Variants in KCNQ3 observed in about 807,000 individuals in gnomAD.
The protein encoded by KCNQ3 is potassium voltage-gated channel subfamily Q member 3.
Under a neutral mutation model 92.5 loss-of-function variants are expected in KCNQ3, and 30 were observed. The ratio of observed to expected loss-of-function variants is 0.32; its 90% CI spans 0.24 to 0.44. The LOEUF (loss-of-function observed/expected upper bound fraction) is 0.44, where lower values mean the gene tolerates loss of function less well. KCNQ3 is among the 20% of genes least tolerant of loss of function. KCNQ3 has a pLI of 1.00. For synonymous variants in KCNQ3, 450 were observed against 468.8 expected (o/e 0.96, Z 0.52); for missense variants, 913 against 1,140.3 (o/e 0.80, Z 2.87).
intron 1 of KCNQ3, among the ~76,000 whole-genome samples, chr8:132,399,109 T>C (rs561220020): frequency 1.3e-5 from 2 of 152,346 alleles, no homozygotes; most frequent in South Asian, 2.1e-4. Flanking sequence ...AATGACAGAA[T>C]ATGCAGATAC....
intron 1 of KCNQ3, among the ~76,000 whole-genome samples, chr8:132,353,328 G>A (rs1818930331): frequency 6.6e-6 from 1 of 151,978 alleles, no homozygotes; most frequent in Non-Finnish European, 1.5e-5. Flanking sequence ...AGGGAAGGAA[G>A]GGGAAGGGAG....
rs574342044 is a variant in KCNQ3, at chr8:132,416,807, G to A, written c.386+63340C>T. Among the ~76,000 whole-genome samples the A allele has an allele frequency of 2.6e-5, 4 of 152,290 alleles. No individual in the cohort carries two copies. In the South Asian group the frequency reaches 8.3e-4, roughly 32 times the overall value. ...CGCTGAGAAAAGGTGAGCTCGGAAGGCTGCAGGGTACAGACAGGAAGGCTG... is the reference window on the plus strand; with the variant it reads ...CGCTGAGAAAAGGTGAGCTCGGAAGACTGCAGGGTACAGACAGGAAGGCTG... On this transcript the variant is annotated intron_variant, in intron 1 of 14. Coordinates refer to ENST00000388996, the MANE Select transcript of KCNQ3 (RefSeq NM_004519.4).
intron 1 of KCNQ3, among the ~76,000 whole-genome samples, chr8:132,410,351 T>C (rs1820616600): frequency 2.0e-5 from 3 of 152,250 alleles, no homozygotes; most frequent in Admixed American, 2.0e-4. Context: ...AGGAAGAAGA[T>C]AGGCCAAGAA....
chr8:132,207,910 A>C (rs2130285876), intron 1 of KCNQ3, among the ~76,000 whole-genome samples: 1 of 149,780 alleles, frequency 6.7e-6, no homozygotes, highest in Admixed American at 6.7e-5. Flanking sequence ...AGTTTCCAAA[A>C]TGAGAGAGAT....
At chr8:132,281,043 A>T (rs1816497581) in intron 1 of KCNQ3, among the ~76,000 whole-genome samples, 1 of 152,122 alleles carries the variant, frequency 6.6e-6, no homozygotes, top group African/African-American at 2.4e-5. Context: ...GGGAGGAGAA[A>T]GCTGAGGGTG....
intron 9 of KCNQ3, among the ~76,000 whole-genome samples, chr8:132,146,119 G>A (rs1410777711): frequency 1.3e-5 from 2 of 152,250 alleles, no homozygotes; most frequent in Non-Finnish European, 2.9e-5. Flanking sequence ...TATTCTAAGT[G>A]TACGTGGGGC....
At position 132,303,565 on chromosome 8, in the gene KCNQ3, G is replaced by GATAGATATATATAT. The variant is rs1554642788; in HGVS notation, c.387-117385_387-117384insATATATATATCTAT. Among the ~76,000 whole-genome samples the GATAGATATATATAT allele has an allele frequency of 9.4e-5, 4 of 42,566 alleles. No homozygotes were observed. The Admixed American group carries it at 1.5e-3, about 16-fold the overall frequency. The allele number at this position is 42,566 out of a possible 152,430, so 27.9% of individuals were successfully genotyped here. A position where few individuals can be genotyped will look rare whatever the true frequency, so the allele number is the denominator to read the frequency against. On this transcript the variant is annotated intron_variant, in intron 1 of 14. Transcript: ENST00000388996. Reference sequence around the variant, plus strand: ...ACTTGTGATCAGATAAAGAAAATGTGATATATATATATATGGTGTGTGTGT... The same window carrying GATAGATATATATAT: ...ACTTGTGATCAGATAAAGAAAATGTGATAGATATATATATATATATATATATATGGTGTGTGTGT...
intron 1 of KCNQ3, among the ~76,000 whole-genome samples, chr8:132,471,529 T>A (rs1014618341): frequency 1.3e-5 from 2 of 152,188 alleles, no homozygotes; most frequent in Non-Finnish European, 2.9e-5. Context: ...TAATGACATG[T>A]CTAGGTGTTT....
intron 1 of KCNQ3, among the ~76,000 whole-genome samples, chr8:132,340,374 A>G (rs1254566338): frequency 6.6e-6 from 1 of 152,226 alleles, no homozygotes; most frequent in Non-Finnish European, 1.5e-5. Context: ...ATGCCTGTCA[A>G]TAATAGAATG....
intron 9 of KCNQ3, among the ~76,000 whole-genome samples, chr8:132,154,451 C>T (rs985641257): frequency 5.3e-5 from 8 of 152,034 alleles, no homozygotes; most frequent in Non-Finnish European, 1.2e-4. Flanking sequence ...AATTTGACTG[C>T]CGTTTTCCCA....
At chr8:132,290,764 CA>C (rs1306936643) in intron 1 of KCNQ3, among the ~76,000 whole-genome samples, 5 of 152,148 alleles carry the variant, frequency 3.3e-5, no homozygotes, top group African/African-American at 4.8e-5. Context: ...GGAAAGATGA[CA>C]TTACCTAAAC....
At chr8:132,270,504 G>C (rs551301012) in intron 1 of KCNQ3, among the ~76,000 whole-genome samples, 20 of 152,078 alleles carry the variant, frequency 1.3e-4, no homozygotes, top group Non-Finnish European at 1.9e-4. Context: ...TCCTCTTTGC[G>C]CCTCAGTACC....
chr8:132,217,521 T>A (rs2130323060), intron 1 of KCNQ3, among the ~76,000 whole-genome samples: 1 of 151,884 alleles, frequency 6.6e-6, no homozygotes, highest in Non-Finnish European at 1.5e-5. Flanking sequence ...CCATCCTGGC[T>A]AACATGATGA....
chr8:132,296,918 C>T (rs1184527529), intron 1 of KCNQ3, among the ~76,000 whole-genome samples: 1 of 152,042 alleles, frequency 6.6e-6, no homozygotes, highest in Non-Finnish European at 1.5e-5. Context: ...AATGGGATGG[C>T]TGGGTCAAAT....
intron 1 of KCNQ3, among the ~76,000 whole-genome samples, chr8:132,459,947 G>C (rs1461756741): frequency 1.7e-5 from 2 of 114,648 alleles, no homozygotes; most frequent in East Asian, 4.9e-4. Flanking sequence ...TTATACTTTT[G>C]TTATACTCCA....
At chr8:132,211,133 G>A (rs1189106060) in intron 1 of KCNQ3, among the ~76,000 whole-genome samples, 1 of 152,110 alleles carries the variant, frequency 6.6e-6, no homozygotes, top group Non-Finnish European at 1.5e-5. Context: ...GGCCAGCTTT[G>A]ATCAAAGATT....
intron 1 of KCNQ3, among the ~76,000 whole-genome samples, chr8:132,432,682 T>C (rs141815791): frequency 1.3e-5 from 2 of 152,252 alleles, no homozygotes; most frequent in Non-Finnish European, 2.9e-5. Context: ...CCATTCATCA[T>C]CTAGGTCCTG....
chr8:132,407,519 T>C (rs1820523771), intron 1 of KCNQ3, among the ~76,000 whole-genome samples: 1 of 152,142 alleles, frequency 6.6e-6, no homozygotes, highest in Non-Finnish European at 1.5e-5. Flanking sequence ...TTCACTTCAG[T>C]CCCAGGATCA....
intron 1 of KCNQ3, among the ~76,000 whole-genome samples, chr8:132,407,155 G>A (rs919275245): frequency 6.6e-6 from 1 of 152,210 alleles, no homozygotes; most frequent in Non-Finnish European, 1.5e-5. Flanking sequence ...GGTGAGTTAG[G>A]CAGGAGGGCA....
Sources: allele counts gnomAD v4.1 joint callset (sites outside exome capture counted in the v4.1 genomes callset), GRCh38; gene constraint gnomAD v4.1.1; transcripts MANE v1.5; gene names NCBI Gene and HGNC (gene_info 2026-07-23, HGNC 2026-07-21).